The following APLF variants were observed in gnomAD, a reference collection of about 807,000 sequenced individuals.
APLF encodes aprataxin and PNK-like factor.
In APLF, 61 loss-of-function variants were observed where a neutral mutation model predicts 55.6. The observed-to-expected ratio is 1.10, with a 90% CI of 0.89 to 1.36. The LOEUF (loss-of-function observed/expected upper bound fraction) is 1.36. APLF is among the 40% of genes most tolerant of loss of function. The probability of loss-of-function intolerance (pLI) is 0.00; values close to 1 mark genes in which losing one functional copy is unlikely to be tolerated. For missense variants in APLF, 611 were observed against 602.5 expected, an observed-to-expected ratio of 1.01 and a Z score of -0.15; for synonymous variants, 207 against 214.8, an observed-to-expected ratio of 0.96 and a Z score of 0.32.
intron 3 of APLF, among the ~76,000 whole-genome samples, chr2:68,509,840 T>C (rs1339557739): frequency 6.6e-6 from 1 of 151,976 alleles, no homozygotes; most frequent in Non-Finnish European, 1.5e-5. Context: ...AATGATAGAC[T>C]GGGTTAAGAA....
intron 1 of APLF, among the ~76,000 whole-genome samples, chr2:68,489,030 T>C (rs1409226341): frequency 2.0e-5 from 3 of 151,728 alleles, no homozygotes; most frequent in African/African-American, 4.9e-5. Context: ...TTTTAGCCTC[T>C]TTTTTTCTGA....
At chr2:68,544,545 G>A (rs1034688134) in intron 7 of APLF, among the ~76,000 whole-genome samples, 3 of 151,702 alleles carry the variant, frequency 2.0e-5, no homozygotes, top group Non-Finnish European at 2.9e-5. Context: ...ATATGTAAAG[G>A]GTTTATTATT....
At position 68,513,594 on chromosome 2, in the gene APLF, T is replaced by G; in HGVS notation, c.536T>G (p.Leu179Arg). 1.2e-6 allele frequency: 2 copies of G among 1,611,584 alleles called. No individual in the cohort carries two copies. Among genetic ancestry groups the G allele is most frequent in the Non-Finnish European group, 1.7e-6 (2 of 1,178,332 alleles). ...NRDCNKQQPILAERKRILPTW... is the reference protein window; with the variant it reads ...NRDCNKQQPIRAERKRILPTW... ...GACTGCAATAAGCAGCAGCCAATCC[T>G]TGCCGAGAGGAAAAGAATCCTTCCA... Residue 179 changes from leucine to arginine, a missense_variant, in exon 5 of 10, where the codon CTT (leucine) becomes CGT (arginine). Transcript: ENST00000303795.
At chr2:68,554,846 C>T (rs1670960691) in intron 8 of APLF, among the ~76,000 whole-genome samples, 1 of 151,830 alleles carries the variant, frequency 6.6e-6, no homozygotes, top group Non-Finnish European at 1.5e-5. Context: ...TCATATGGAA[C>T]TAAAACAAGA....
chr2:68,518,857 TTA>T (rs1304576949), intron 5 of APLF, among the ~76,000 whole-genome samples: 1 of 109,372 alleles, frequency 9.1e-6, no homozygotes, highest in Admixed American at 9.8e-5. Context: ...AATACTAATA[TTA>T]TGTCATTAAT....
intron 7 of APLF, among the ~76,000 whole-genome samples, chr2:68,540,692 A>G (rs912535946): frequency 6.6e-6 from 1 of 152,098 alleles, no homozygotes; most frequent in African/African-American, 2.4e-5. Flanking sequence ...TCAATATTGT[A>G]AAGATATATA....
At chr2:68,475,971 C>T (rs2103877995) in intron 1 of APLF, among the ~76,000 whole-genome samples, 1 of 145,150 alleles carries the variant, frequency 6.9e-6, no homozygotes, top group South Asian at 2.2e-4. Context: ...AGATCCCATG[C>T]TTTTTTTTTT....
At chr2:68,509,032 A>T (rs1384332796) in intron 3 of APLF, among the ~76,000 whole-genome samples, 1 of 152,122 alleles carries the variant, frequency 6.6e-6, no homozygotes, top group Non-Finnish European at 1.5e-5. Context: ...AGAAAGCTGA[A>T]ACTGGATCCC....
In APLF at chr2:68,578,927, G is replaced by A; in HGVS notation, c.*905G>A. 1 of 985,178 alleles carries A rather than the reference G, an allele frequency of 1.0e-6. No homozygotes were observed. 61.0% of individuals were successfully genotyped at this position (985,178 alleles called of 1,614,324 possible). A position where few individuals can be genotyped will look rare whatever the true frequency, so the allele number is the denominator to read the frequency against. ...ACCACTTATTCTCCAGTTTTACAAAGTATCTTTCTGTATTTCTGTTCTAAA... is the reference window on the plus strand; with the variant it reads ...ACCACTTATTCTCCAGTTTTACAAAATATCTTTCTGTATTTCTGTTCTAAA... On this transcript the variant is annotated 3_prime_UTR_variant, in exon 10 of 10. Transcript: ENST00000303795.
chr2:68,493,615 T>G (rs1409978001), intron 2 of APLF, among the ~76,000 whole-genome samples: 4 of 152,136 alleles, frequency 2.6e-5, no homozygotes, highest in Admixed American at 6.5e-5. Context: ...AACACGTAAT[T>G]AGGCCATTCA....
chr2:68,501,010 C>G (rs1165256921), intron 2 of APLF, among the ~76,000 whole-genome samples: 1 of 151,876 alleles, frequency 6.6e-6, no homozygotes, highest in Admixed American at 6.5e-5. Context: ...ATTCACTACT[C>G]TTTTTAGGAA....
intron 2 of APLF, among the ~76,000 whole-genome samples, chr2:68,491,621 A>C (rs1226992433): frequency 6.6e-6 from 1 of 152,202 alleles, no homozygotes; most frequent in Non-Finnish European, 1.5e-5. Context: ...TGAAATATAG[A>C]AATGATTATT....
At chr2:68,518,659 T>C (rs1485076188) in intron 5 of APLF, among the ~76,000 whole-genome samples, 2 of 125,554 alleles carry the variant, frequency 1.6e-5, no homozygotes, top group African/African-American at 6.3e-5. Context: ...ATCATGAATA[T>C]ATAATAAATC....
intron 6 of APLF, among the ~76,000 whole-genome samples, chr2:68,534,957 T>C (rs1276453956): frequency 6.6e-6 from 1 of 152,234 alleles, no homozygotes; most frequent in Non-Finnish European, 1.5e-5. Context: ...ATTTAAACCA[T>C]GAATGTTAAA....
In APLF at chr2:68,576,300, T is replaced by A. The variant is rs60843870; in HGVS notation, c.1334-1520T>A. Among the ~76,000 whole-genome samples the A allele has an allele frequency of 5.4e-3, 823 of 152,278 alleles. 57 individuals carry two copies. In the East Asian group the frequency reaches 0.14, roughly 27 times the overall value. On this transcript the variant is annotated intron_variant, in intron 9 of 9. Transcript: ENST00000303795. ...CGACTGCAAACTGCCTTCCAATTTT[T>A]AAAAAATGCATTTTATTATTTTAAA...
intron 6 of APLF, among the ~76,000 whole-genome samples, chr2:68,531,152 A>G (rs1336798830): frequency 6.6e-6 from 1 of 152,222 alleles, no homozygotes; most frequent in African/African-American, 2.4e-5. Context: ...TGGCTGAAAT[A>G]CGCATTCTGT....
intron 2 of APLF, among the ~76,000 whole-genome samples, chr2:68,497,739 A>G (rs1676595742): frequency 6.6e-6 from 1 of 152,096 alleles, no homozygotes; most frequent in Non-Finnish European, 1.5e-5. Flanking sequence ...CTATAATCCA[A>G]GCACCTCCTG....
At chr2:68,532,339 T>G (rs13415763) in intron 6 of APLF, among the ~76,000 whole-genome samples, 16,107 of 152,210 alleles carry the variant, frequency 0.11, 1,084 homozygotes, top group African/African-American at 0.19. Context: ...AGTAGGAGAA[T>G]CAGTGGAGAG....
At chr2:68,468,204 A>G (rs1675493682) in intron 1 of APLF, among the ~76,000 whole-genome samples, 1 of 152,182 alleles carries the variant, frequency 6.6e-6, no homozygotes, top group Admixed American at 6.5e-5. Context: ...GGTTGAGGGT[A>G]TTGCGGCTTG....
Sources: allele counts gnomAD v4.1 joint callset (sites outside exome capture counted in the v4.1 genomes callset), GRCh38; gene constraint gnomAD v4.1.1; transcripts MANE v1.5; gene names NCBI Gene and HGNC (gene_info 2026-07-23, HGNC 2026-07-21).